The following PCDH7 variants were observed in gnomAD, a reference collection of about 807,000 sequenced individuals.
PCDH7 encodes the protein protocadherin-7.
A neutral mutation model predicts 58.9 loss-of-function variants in PCDH7; 17 were observed. The ratio of observed to expected loss-of-function variants is 0.29; its 90% CI spans 0.20 to 0.43. The LOEUF (loss-of-function observed/expected upper bound fraction) is 0.43, where lower values mean the gene tolerates loss of function less well. PCDH7 is among the 20% of genes least tolerant of loss of function. The pLI, the probability that PCDH7 is intolerant of heterozygous loss-of-function variation, is 1.00. For missense variants in PCDH7, 1,274 were observed against 1,441.0 expected (o/e 0.88, Z 1.88); for synonymous variants, 664 against 616.4 (o/e 1.08, Z -1.14).
intron 3 of PCDH7, among the ~76,000 whole-genome samples, chr4:31,053,985 G>A (rs148723312): frequency 9.0e-4 from 137 of 152,122 alleles, no homozygotes; most frequent in Admixed American, 1.7e-3. Context: ...TTTGAGACAT[G>A]GTCTTGTTCT....
intron 1 of PCDH7, among the ~76,000 whole-genome samples, chr4:30,790,780 C>T (rs1363930486): frequency 1.3e-5 from 2 of 151,768 alleles, no homozygotes; most frequent in Non-Finnish European, 1.5e-5. Context: ...CAAAATTAGC[C>T]GGGTGTGGTG....
chr4:31,033,578 C>G (rs1755136890), intron 3 of PCDH7, among the ~76,000 whole-genome samples: 1 of 152,162 alleles, frequency 6.6e-6, no homozygotes, highest in Non-Finnish European at 1.5e-5. Context: ...AAACTCACTT[C>G]ACGATATAAA....
intron 3 of PCDH7, among the ~76,000 whole-genome samples, chr4:30,986,806 T>C (rs1751007823): frequency 6.6e-6 from 1 of 151,850 alleles, no homozygotes; most frequent in African/African-American, 2.4e-5. Flanking sequence ...CATGGTGACA[T>C]CCCGTCTCTA....
intron 1 of PCDH7, among the ~76,000 whole-genome samples, chr4:30,863,649 G>A (rs1292610504): frequency 6.6e-6 from 1 of 152,078 alleles, no homozygotes; most frequent in East Asian, 1.9e-4. Flanking sequence ...ACTCTCAAAT[G>A]TGTCTGACTA....
At chr4:30,893,064 T>C (rs1311100482) in intron 1 of PCDH7, among the ~76,000 whole-genome samples, 1 of 152,104 alleles carries the variant, frequency 6.6e-6, no homozygotes, top group Non-Finnish European at 1.5e-5. Context: ...TAAAATGTTA[T>C]AGAAGTATTG....
chr4:30,800,985 G>A (rs1337287244), intron 1 of PCDH7, among the ~76,000 whole-genome samples: 1 of 152,218 alleles, frequency 6.6e-6, no homozygotes, highest in African/African-American at 2.4e-5. Context: ...GTGGAGGGCA[G>A]TTTATGGTGA....
At chr4:30,992,793 C>CTTTTTTT (rs577504420) in intron 3 of PCDH7, among the ~76,000 whole-genome samples, 8 of 95,666 alleles carry the variant, frequency 8.4e-5, no homozygotes, top group African/African-American at 3.1e-4. Flanking sequence ...CTGTCCCATT[C>CTTTTTTT]TTTTTTTTTT....
At chr4:30,883,576 A>G (rs945506137) in intron 1 of PCDH7, among the ~76,000 whole-genome samples, 3 of 152,192 alleles carry the variant, frequency 2.0e-5, no homozygotes, top group African/African-American at 7.2e-5. Flanking sequence ...GGATACCCAC[A>G]TGCACAATAT....
chr4:30,840,795 C>T (rs1298914474), intron 1 of PCDH7, among the ~76,000 whole-genome samples: 1 of 151,998 alleles, frequency 6.6e-6, no homozygotes, highest in Non-Finnish European at 1.5e-5. Flanking sequence ...ATATAGTTCA[C>T]AGAACTCTTC....
chr4:30,939,367 A>G (rs2109434227), intron 2 of PCDH7, among the ~76,000 whole-genome samples: 1 of 152,238 alleles, frequency 6.6e-6, no homozygotes, highest in Middle Eastern at 3.4e-3. Context: ...TGCTTGCTAT[A>G]ATAAAGTCCT....
At chr4:31,136,726 T>C (rs1719644463) in intron 3 of PCDH7, among the ~76,000 whole-genome samples, 1 of 152,174 alleles carries the variant, frequency 6.6e-6, no homozygotes, top group Non-Finnish European at 1.5e-5. Context: ...AACTGTGATG[T>C]GTTTGCCTGT....
At position 30,746,229 on chromosome 4, in the gene PCDH7, A is replaced by G. The variant is rs201719717; in HGVS notation, c.70+21633A>G. Among the ~76,000 whole-genome samples, 5 of 152,280 alleles carry G rather than the reference A, an allele frequency of 3.3e-5. No individual in the cohort carries two copies. The East Asian group carries it at 9.7e-4, about 29-fold the overall frequency. On this transcript the variant is annotated intron_variant, in intron 1 of 3. Transcript: ENST00000509759. The stretch of plus-strand genomic sequence containing the variant: ...CTGAATACTTTAAAATTATATTTCT[A>G]TCTTTTATGAAAATGATTAAAAAGA...
intron 3 of PCDH7, among the ~76,000 whole-genome samples, chr4:31,048,543 C>A (rs2109216136): frequency 6.6e-6 from 1 of 152,186 alleles, no homozygotes; most frequent in Admixed American, 6.5e-5. Flanking sequence ...ACTTTGCAGG[C>A]TTTCTATTCA....
intron 1 of PCDH7, among the ~76,000 whole-genome samples, chr4:30,815,709 A>C (rs548467239): frequency 2.6e-5 from 4 of 152,350 alleles, no homozygotes; most frequent in African/African-American, 9.6e-5. Flanking sequence ...CTTAGTGCAC[A>C]TGTGGGAGCC....
intron 1 of PCDH7, among the ~76,000 whole-genome samples, chr4:30,874,100 CT>C (rs1040871440): frequency 7.2e-5 from 11 of 152,116 alleles, no homozygotes; most frequent in African/African-American, 2.4e-4. Flanking sequence ...GTTGGTGGGA[CT>C]GTAAACTAGT....
At position 30,740,882 on chromosome 4, in the gene PCDH7, C is replaced by CTT. The variant is rs5857202; in HGVS notation, c.70+16293_70+16294dup. On this transcript the variant is annotated intron_variant, in intron 1 of 3. Transcript: ENST00000509759. ...TTTATATAAATTTTTATGATACATG[C>CTT]TTTTTTTTCAAAGAATATGAAACAT... is the stretch of plus-strand genomic sequence containing the variant. Among the ~76,000 whole-genome samples, 426 of 151,720 alleles carry CTT rather than the reference C, an allele frequency of 2.8e-3. 2 individuals carry two copies. The highest frequency in any genetic ancestry group is 9.6e-3 in the African/African-American group (399 of 41,426).
intron 1 of PCDH7, among the ~76,000 whole-genome samples, chr4:30,826,358 C>G (rs922966382): frequency 2.0e-5 from 3 of 152,008 alleles, no homozygotes; most frequent in African/African-American, 7.2e-5. Context: ...ATTCAGACAG[C>G]CTTGGAACAG....
chr4:30,997,849 A>T (rs776529234), intron 3 of PCDH7, among the ~76,000 whole-genome samples: 2 of 152,098 alleles, frequency 1.3e-5, no homozygotes, highest in Non-Finnish European at 2.9e-5. Flanking sequence ...TTATTGAGGG[A>T]TGGCAGAAGG....
chr4:31,137,522 T>G (rs1351042508), intron 3 of PCDH7, among the ~76,000 whole-genome samples: 2 of 152,128 alleles, frequency 1.3e-5, no homozygotes, highest in African/African-American at 4.8e-5. Context: ...AGGCAGAGGT[T>G]GCAATGAGCC....
Sources: allele counts gnomAD v4.1 joint callset (sites outside exome capture counted in the v4.1 genomes callset), GRCh38; gene constraint gnomAD v4.1.1; transcripts MANE v1.5; gene names NCBI Gene and HGNC (gene_info 2026-07-23, HGNC 2026-07-21).